Variants in ZNF148 observed in about 807,000 individuals in gnomAD.
ZNF148 encodes the protein zinc finger protein 148.
Under a neutral mutation model 67.7 loss-of-function variants are expected in ZNF148, and 7 were observed. The ratio of observed to expected loss-of-function variants is 0.10; its 90% CI spans 0.06 to 0.19. The LOEUF (loss-of-function observed/expected upper bound fraction) is 0.19. ZNF148 is among the 10% of genes least tolerant of loss of function. The pLI, the probability that ZNF148 is intolerant of heterozygous loss-of-function variation, is 1.00. For synonymous variants in ZNF148, 333 were observed against 330.7 expected (o/e 1.01, Z -0.08); for missense variants, 583 against 947.1 (o/e 0.62, Z 5.05).
At chr3:125,292,715 G>A (rs894388146) in intron 4 of ZNF148, 1 of 152,204 alleles carries the variant, frequency 6.6e-6, no homozygotes, top group Non-Finnish European at 1.5e-5. Context: ...GTAATTAAGA[G>A]ATGTTTTAGA....
chr3:125,350,949 G>GTA (rs1463670966), intron 1 of ZNF148, among the ~76,000 whole-genome samples: 2 of 152,210 alleles, frequency 1.3e-5, no homozygotes, highest in Non-Finnish European at 2.9e-5. Context: ...GCCAAATACT[G>GTA]TATGATTCCA....
Position 125,233,649 on chromosome 3 carries a change from A to G in ZNF148, c.1077T>C (p.Tyr359=). The part of the protein sequence containing the change: ...YSSSTKVKDE[Y]MVAEYAVEMP... ...TTTCAACAGCATATTCTGCAACCATATACTCATCTTTTACTTTAGTACTTG... is the reference window on the plus strand; with the variant it reads ...TTTCAACAGCATATTCTGCAACCATGTACTCATCTTTTACTTTAGTACTTG... Residue 359 remains tyrosine (Y), a synonymous_variant, in exon 9 of 9, where the codon TAT becomes TAC. Coordinates refer to ENST00000360647, the MANE Select transcript of ZNF148 (RefSeq NM_021964.3). The surrounding 1 kb of genome is among the most constrained non-coding windows in gnomAD (Gnocchi z 5.1). 1 of 1,614,010 alleles carries G rather than the reference A, an allele frequency of 6.2e-7. No individual in the cohort carries two copies. The highest frequency in any genetic ancestry group is 8.5e-7 in the Non-Finnish European group (1 of 1,179,940).
chr3:125,236,231 A>T (rs115624556), intron 7 of ZNF148, among the ~76,000 whole-genome samples: 268 of 152,054 alleles, frequency 1.8e-3, no homozygotes, highest in African/African-American at 5.0e-3. Flanking sequence ...TTAAAAAAAA[A>T]TTTTTTTCTT....
At chr3:125,346,258 T>C (rs986854725) in intron 1 of ZNF148, among the ~76,000 whole-genome samples, 2 of 152,148 alleles carry the variant, frequency 1.3e-5, no homozygotes, top group African/African-American at 4.8e-5. Flanking sequence ...AGAAAAACAT[T>C]TGATGAAATA....
intron 7 of ZNF148, among the ~76,000 whole-genome samples, chr3:125,273,460 T>G (rs1256788047): frequency 6.6e-6 from 1 of 151,862 alleles, no homozygotes; most frequent in African/African-American, 2.4e-5. Context: ...TCTGAGTGAT[T>G]TAGTTTTTTC....
chr3:125,272,791 T>TA (rs1027527976), intron 7 of ZNF148, among the ~76,000 whole-genome samples: 18 of 151,534 alleles, frequency 1.2e-4, no homozygotes, highest in East Asian at 3.9e-4. Flanking sequence ...GCTTTGCAGA[T>TA]AAAAAAAAAT....
At chr3:125,336,925 G>A (rs936780991) in intron 1 of ZNF148, among the ~76,000 whole-genome samples, 2 of 149,822 alleles carry the variant, frequency 1.3e-5, no homozygotes, top group African/African-American at 2.5e-5. Flanking sequence ...TCCACCCGCC[G>A]TGGCCTCCCA....
At chr3:125,243,291 G>C (rs774501301) in intron 7 of ZNF148, among the ~76,000 whole-genome samples, 1 of 151,978 alleles carries the variant, frequency 6.6e-6, no homozygotes, top group African/African-American at 2.4e-5. Context: ...TATTCCCTGC[G>C]TATGTGTGTG....
At chr3:125,303,229 G>A (rs1448487848) in intron 4 of ZNF148, among the ~76,000 whole-genome samples, 1 of 152,198 alleles carries the variant, frequency 6.6e-6, no homozygotes, top group Admixed American at 6.5e-5. Flanking sequence ...AAGAGAAGAG[G>A]TGTGACTATA....
chr3:125,243,603 C>T (rs1490990746), intron 7 of ZNF148, among the ~76,000 whole-genome samples: 6 of 152,074 alleles, frequency 3.9e-5, no homozygotes, highest in African/African-American at 1.4e-4. Flanking sequence ...TCACTGCAGC[C>T]GTGAACTCCT....
chr3:125,242,314 A>AT (rs1192833038), intron 7 of ZNF148, among the ~76,000 whole-genome samples: 1 of 152,176 alleles, frequency 6.6e-6, no homozygotes, highest in East Asian at 1.9e-4. Flanking sequence ...GTTAAGTTTC[A>AT]TTTTTTACAT....
rs1477824359 is a variant in ZNF148, at chr3:125,250,257, A to T, written c.668-15928T>A. ...AATGTATACATATATCATGTTGTAT[A>T]CCTTAAATATATACAATTTCCATTT... On this transcript the variant is annotated intron_variant, in intron 7 of 8. Coordinates refer to ENST00000360647, the MANE Select transcript of ZNF148 (RefSeq NM_021964.3). Among the ~76,000 whole-genome samples, 5 of 152,202 alleles carry T rather than the reference A, an allele frequency of 3.3e-5. No homozygotes were observed. The East Asian group carries it at 9.6e-4, about 29-fold the overall frequency.
chr3:125,348,533 A>T (rs1348185769), intron 1 of ZNF148, among the ~76,000 whole-genome samples: 2 of 151,476 alleles, frequency 1.3e-5, no homozygotes, highest in Non-Finnish European at 2.9e-5. Flanking sequence ...CAAAAACAAT[A>T]CTTAAACTTA....
At chr3:125,254,937 C>CT (rs1202746735) in intron 7 of ZNF148, among the ~76,000 whole-genome samples, 1 of 152,076 alleles carries the variant, frequency 6.6e-6, no homozygotes, top group African/African-American at 2.4e-5. Flanking sequence ...AAGACTCAAT[C>CT]AAGTATTTAT....
intron 1 of ZNF148, 115 bp from the exon 2 acceptor site, chr3:125,331,353 T>G (rs1941283376): frequency 2.5e-6 from 1 of 395,926 alleles, no homozygotes; most frequent in Non-Finnish European, 4.4e-6. Context: ...CAAAATTCTT[T>G]CCATGGTAGA....
chr3:125,335,810 G>A (rs1326482708), intron 1 of ZNF148, among the ~76,000 whole-genome samples: 9 of 152,176 alleles, frequency 5.9e-5, no homozygotes, highest in Admixed American at 1.3e-4. Flanking sequence ...TATTTTCAAA[G>A]TATATCTTTA....
rs866234825 is a variant in ZNF148, at chr3:125,287,973, C to T, written c.459+130G>A. 46 of 1,293,072 alleles carry T rather than the reference C, an allele frequency of 3.6e-5. No homozygotes were observed. In the Middle Eastern group the frequency reaches 1.7e-3, roughly 49 times the overall value. The allele number at this position is 1,293,072 out of a possible 1,614,324, so 80.1% of individuals were successfully genotyped here. On this transcript the variant is annotated intron_variant, in intron 5 of 8. Coordinates refer to ENST00000360647, the MANE Select transcript of ZNF148 (RefSeq NM_021964.3). ...AAGGCCCACCACCTCCATGCAGGCA[C>T]GCACCCCCTCCTACTAAACCACACA... is the stretch of plus-strand genomic sequence containing the variant.
intron 1 of ZNF148, among the ~76,000 whole-genome samples, chr3:125,350,537 T>A (rs1351468770): frequency 2.6e-5 from 4 of 152,160 alleles, no homozygotes; most frequent in African/African-American, 9.7e-5. Context: ...CACCAGGGAC[T>A]GGTTTCACGG....
At chr3:125,265,788 T>C (rs1300358251) in intron 7 of ZNF148, among the ~76,000 whole-genome samples, 2 of 152,350 alleles carry the variant, frequency 1.3e-5, no homozygotes, top group East Asian at 3.9e-4. Flanking sequence ...TATAGAATAC[T>C]GTGTGTCTTC....
Sources: gnomAD v4.1 joint callset for allele counts (sites outside exome capture counted in the v4.1 genomes callset) on GRCh38, gnomAD v4.1.1 for gene constraint, Gnocchi (gnomAD v3.1) non-coding constraint, MANE v1.5 for transcripts, NCBI Gene and HGNC (gene_info 2026-07-23, HGNC 2026-07-21) for gene names.